PPIL6: variants seen among roughly 807,000 people sequenced by gnomAD.
The protein encoded by PPIL6 is probable inactive peptidyl-prolyl cis-trans isomerase-like 6.
A neutral mutation model predicts 36.8 loss-of-function variants in PPIL6; 39 were observed. That is an observed-to-expected ratio of 1.06 (90% CI 0.82 to 1.38). PPIL6 has a LOEUF of 1.38. Ranked by LOEUF, PPIL6 falls within the 40% of genes most tolerant of loss-of-function variation. The pLI is 0.00. For missense variants in PPIL6, 368 were observed against 379.1 expected (o/e 0.97, Z 0.24); for synonymous variants, 123 against 134.1 (o/e 0.92, Z 0.57).
chr6:109,438,925 C>T (rs1057189065), intron 1 of PPIL6, among the ~76,000 whole-genome samples: 4 of 152,156 alleles, frequency 2.6e-5, no homozygotes, highest in Non-Finnish European at 5.9e-5. Context: ...TTGTATTTCA[C>T]GTTATGTGAA....
chr6:109,418,321 G>A (rs1773366790), intron 6 of PPIL6: 1 of 152,650 alleles, frequency 6.6e-6, no homozygotes, highest in African/African-American at 2.4e-5. Flanking sequence ...CCTTCCTGGG[G>A]GCCCCCTGTA....
chr6:109,420,403 T>C (rs1418246190), intron 5 of PPIL6, among the ~76,000 whole-genome samples: 1 of 149,760 alleles, frequency 6.7e-6, no homozygotes, highest in Non-Finnish European at 1.5e-5. Context: ...AGAATTCATG[T>C]TCAAAATTTC....
In PPIL6 at chr6:109,400,097, C is replaced by T. The variant is rs1229234128; in HGVS notation, c.762G>A (p.Gly254=). The T allele has an allele frequency of 6.2e-7, 1 of 1,613,660 alleles. No homozygotes were observed. Among genetic ancestry groups the T allele is most frequent in the African/African-American group, 1.3e-5 (1 of 74,888 alleles). Residue 254 remains glycine (G), a synonymous_variant, in exon 7 of 8, where the codon GGG becomes GGA. Transcript: ENST00000521072. ...GMANKGRHSN[G]SQFYITLQAT... is the part of the protein sequence containing the mutation. ...CTTGCAGTGTGATATAGAATTGTGA[C>T]CCGTTGCTGTGACGGCCTTTGTTGG...
intron 7 of PPIL6, among the ~76,000 whole-genome samples, chr6:109,395,793 A>G (rs1194600773): frequency 2.7e-5 from 4 of 146,676 alleles, no homozygotes; most frequent in African/African-American, 5.0e-5. Flanking sequence ...TTTAGTAGAG[A>G]CGGGGTTTTA....
At chr6:109,399,053 G>A (rs1420380813) in intron 7 of PPIL6, among the ~76,000 whole-genome samples, 1 of 151,590 alleles carries the variant, frequency 6.6e-6, no homozygotes, top group Non-Finnish European at 1.5e-5. Flanking sequence ...AACTTCTTCA[G>A]TAGCTGGGAC....
At chr6:109,403,231 G>C in intron 6 of PPIL6, 1 of 557,300 alleles carries the variant, frequency 1.8e-6, no homozygotes, top group Non-Finnish European at 3.0e-6. Context: ...TCAACCTCCT[G>C]AGTAGCTGGG....
chr6:109,420,880 G>C (rs931350504), intron 5 of PPIL6, among the ~76,000 whole-genome samples: 2 of 152,184 alleles, frequency 1.3e-5, no homozygotes, highest in African/African-American at 4.8e-5. Flanking sequence ...TACTCAGAAA[G>C]CTGGCTCAGA....
At chr6:109,409,420 C>T (rs1263909517) in intron 6 of PPIL6, among the ~76,000 whole-genome samples, 1 of 151,974 alleles carries the variant, frequency 6.6e-6, no homozygotes, top group African/African-American at 2.4e-5. Context: ...AAAAATTAGC[C>T]AGGCAGGGCG....
At chr6:109,401,026 ATTTTTTTTTTTTT>A (rs749611966) in intron 6 of PPIL6, among the ~76,000 whole-genome samples, 1 of 114,950 alleles carries the variant, frequency 8.7e-6, no homozygotes, top group Non-Finnish European at 1.7e-5. Flanking sequence ...TGCCCGGCTA[ATTTTTTTTTTTTT>A]TTTTTTTTTT....
chr6:109,402,652 A>C (rs1406369448), intron 6 of PPIL6, among the ~76,000 whole-genome samples: 1 of 152,182 alleles, frequency 6.6e-6, no homozygotes, highest in Admixed American at 6.5e-5. Context: ...AGAATAAATT[A>C]TATTTTTAAA....
chr6:109,423,410 T>C (rs539540982), intron 5 of PPIL6, among the ~76,000 whole-genome samples: 3 of 152,214 alleles, frequency 2.0e-5, no homozygotes, highest in African/African-American at 7.2e-5. Flanking sequence ...ACTTTTTTTT[T>C]TCTAAAGCCA....
At chr6:109,409,520 C>T (rs981617560) in intron 6 of PPIL6, among the ~76,000 whole-genome samples, 5 of 151,748 alleles carry the variant, frequency 3.3e-5, no homozygotes, top group South Asian at 2.1e-4. Context: ...GCTGAGATCA[C>T]GCCACTGCAC....
At chr6:109,425,749 CAAAAAAAA>C (rs34275471) in intron 5 of PPIL6, among the ~76,000 whole-genome samples, 6 of 103,674 alleles carry the variant, frequency 5.8e-5, no homozygotes, top group South Asian at 3.1e-4. Flanking sequence ...GACTCCGTTT[CAAAAAAAA>C]AAAAAAAAAA....
chr6:109,396,544 A>G, intron 7 of PPIL6, among the ~76,000 whole-genome samples: 1 of 152,000 alleles, frequency 6.6e-6, no homozygotes, highest in East Asian at 1.9e-4. Flanking sequence ...TCTTCCTAAA[A>G]CTGATTTGAC....
intron 5 of PPIL6, among the ~76,000 whole-genome samples, chr6:109,425,746 T>C (rs1408810551): frequency 1.8e-5 from 2 of 109,496 alleles, no homozygotes; most frequent in Non-Finnish European, 3.5e-5. Flanking sequence ...CGAGACTCCG[T>C]TTCAAAAAAA....
intron 6 of PPIL6, among the ~76,000 whole-genome samples, chr6:109,401,101 C>A (rs1471136980): frequency 7.1e-6 from 1 of 141,498 alleles, no homozygotes. Context: ...TGGTCTCAAT[C>A]TCCTGACCTC....
At chr6:109,423,134 AG>A (rs1460730295) in intron 5 of PPIL6, among the ~76,000 whole-genome samples, 7 of 152,140 alleles carry the variant, frequency 4.6e-5, no homozygotes, top group African/African-American at 1.7e-4. Context: ...TGGGAGGCTG[AG>A]GTGGGCAGAT....
At position 109,431,137 on chromosome 6, in the gene PPIL6, T is replaced by A; in HGVS notation, c.420+20A>T. Reference sequence around the variant, plus strand: ...GGTCAAAGATTCCACAATTTTTCTTTAAAAGTTAGTATAACTTGCCTTGGT... The same window carrying A: ...GGTCAAAGATTCCACAATTTTTCTTAAAAAGTTAGTATAACTTGCCTTGGT... On this transcript the variant is annotated intron_variant, in intron 3 of 7. Coordinates refer to ENST00000521072, the MANE Select transcript of PPIL6 (RefSeq NM_173672.5). The A allele has an allele frequency of 6.4e-7, 1 of 1,559,272 alleles. No individual in the cohort carries two copies. Among genetic ancestry groups the A allele is most frequent in the Middle Eastern group, 1.7e-4 (1 of 5,874 alleles).
chr6:109,424,390 G>A (rs1012260895), intron 5 of PPIL6, among the ~76,000 whole-genome samples: 4 of 152,156 alleles, frequency 2.6e-5, no homozygotes, highest in Admixed American at 6.5e-5. Flanking sequence ...GATGTGAGGA[G>A]GAGGGGCAGG....
Sources: allele counts gnomAD v4.1 joint callset (sites outside exome capture counted in the v4.1 genomes callset), GRCh38; gene constraint gnomAD v4.1.1; transcripts MANE v1.5; gene names NCBI Gene and HGNC (gene_info 2026-07-23, HGNC 2026-07-21).